The following KIF12 variants were observed in gnomAD, a reference collection of about 807,000 sequenced individuals.
KIF12 encodes the protein kinesin-like protein KIF12.
Under a neutral mutation model 87.9 loss-of-function variants are expected in KIF12, and 80 were observed. The observed-to-expected ratio is 0.91, with a 90% confidence interval of 0.76 to 1.10. KIF12 has a LOEUF of 1.10. Among genes scored for constraint, KIF12 ranks in the 50% least tolerant of loss-of-function variants. The pLI is 0.00. For missense variants in KIF12, 819 were observed against 865.3 expected, an observed-to-expected ratio of 0.95 and a Z score of 0.67; for synonymous variants, 353 against 348.5, an observed-to-expected ratio of 1.01 and a Z score of -0.14.
At position 114,093,959 on chromosome 9, in the gene KIF12, G is replaced by C. The variant is rs779001419; in HGVS notation, c.1327C>G (p.Gln443Glu). ...ENERLRKEKS[Q>E]LQNSRDLAQN... ...GCCAGGTCTCGGCTATTCTGCAGCT[G>C]GCTCTTTTCTTTCCTAGGGGAGATC... is the stretch of plus-strand genomic sequence containing the variant. Residue 443 changes from glutamine (Q) to glutamate (E), a missense_variant, in exon 14 of 19, where the codon CAG becomes GAG. Gln to Glu is a conservative substitution (Grantham distance 29, BLOSUM62 2). Coordinates refer to ENST00000640217, the MANE Select transcript of KIF12 (RefSeq NM_001388308.1). The C allele has an allele frequency of 6.2e-7, 1 of 1,614,100 alleles. No individual in the cohort carries two copies. The highest frequency in any genetic ancestry group is 8.5e-7 in the Non-Finnish European group (1 of 1,180,008).
chr9:114,096,301 T>A (rs1419906607), intron 8 of KIF12, 86 bp downstream of exon 8: 2 of 1,599,046 alleles, frequency 1.3e-6, no homozygotes, highest in African/African-American at 2.7e-5. Flanking sequence ...TTAACCCCCA[T>A]GCACACCCAA....
chr9:114,098,326 C>T lies in KIF12; in HGVS notation c.275G>A (p.Arg92His), dbSNP rs1217183484. ...CCCGCGCAGCGCCAGCTCCCCCAGGCGCCGCACGCCGCACGCCCGGAACAC... is the reference window on the plus strand; with the variant it reads ...CCCGCGCAGCGCCAGCTCCCCCAGGTGCCGCACGCCGCACGCCCGGAACAC... ...EDVFRACGVR[R>H]LGELALRGFS... Residue 92 changes from arginine to histidine, a missense_variant, in exon 4 of 19, where the codon CGC becomes CAC. By Grantham distance (29) the Arg-to-His change is conservative. Coordinates refer to ENST00000640217, the MANE Select transcript of KIF12 (RefSeq NM_001388308.1). The T allele has an allele frequency of 1.4e-6, 2 of 1,470,144 alleles. No individual in the cohort carries two copies. Among genetic ancestry groups the T allele is most frequent in the East Asian group, 2.8e-5 (1 of 35,132 alleles). The allele number at this position is 1,470,144 out of a possible 1,614,324, so 91.1% of individuals were successfully genotyped here.
intron 7 of KIF12, among the ~76,000 whole-genome samples, chr9:114,096,765 G>A (rs1344928736): frequency 2.0e-5 from 3 of 152,192 alleles, no homozygotes; most frequent in Admixed American, 2.0e-4. Flanking sequence ...TGAGGCAGGA[G>A]ATCAGCTGAG....
At chr9:114,094,798 T>C (rs893400751) in intron 11 of KIF12, among the ~76,000 whole-genome samples, 10 of 152,138 alleles carry the variant, frequency 6.6e-5, no homozygotes, top group African/African-American at 2.4e-4. Flanking sequence ...CCCTGAATCA[T>C]ATCCCAACTC....
Position 114,091,873 on chromosome 9 carries a change from G to A in KIF12, c.1944C>T (p.Leu648=). 6.2e-7 allele frequency: 1 copy of A among 1,602,052 alleles called. No homozygotes were observed. The highest frequency in any genetic ancestry group is 8.5e-7 in the Non-Finnish European group (1 of 1,171,394). ...SEGARSPGQV[L]PPH ...TCCCACTTGGCCTTCAATGGGGAGGGAGGACTTGGCCTGGGCTCCGTGCGC... is the reference window on the plus strand; with the variant it reads ...TCCCACTTGGCCTTCAATGGGGAGGAAGGACTTGGCCTGGGCTCCGTGCGC... Residue 648 remains leucine, a synonymous_variant, in exon 19 of 19, where the codon CTC becomes CTT. Coordinates refer to ENST00000640217, the MANE Select transcript of KIF12 (RefSeq NM_001388308.1).
intron 16 of KIF12, 104 bp from the exon 17 acceptor site, chr9:114,092,746 G>C (rs1847047240): frequency 2.7e-6 from 4 of 1,506,148 alleles, no homozygotes; most frequent in Non-Finnish European, 3.5e-6. Context: ...TACCCCACAA[G>C]GTACCAAGAA....
rs1847214309 is a variant in KIF12 at position 114,096,060 on chromosome 9, G to A, written c.886C>T (p.Leu296=). 6.2e-7 allele frequency: 1 copy of A among 1,611,034 alleles called. No homozygotes were observed. Among genetic ancestry groups the A allele is most frequent in the South Asian group, 1.1e-5 (1 of 90,572 alleles). ...GGCCCCCAGGTCTCACCCAGGGCCA[G>A]CAGGCTTCGGTTGATGCTGTTAGCC... The part of the protein sequence containing the change: ...LEANSINRSL[L]ALGHCISLLL... Residue 296 remains leucine (L), a synonymous_variant, in exon 9 of 19, where the codon CTG becomes TTG. Transcript: ENST00000640217.
intron 7 of KIF12, among the ~76,000 whole-genome samples, chr9:114,096,758 G>A (rs1334445227): frequency 2.0e-5 from 3 of 152,208 alleles, no homozygotes; most frequent in Non-Finnish European, 4.4e-5. Flanking sequence ...GAGAAACTGA[G>A]GCAGGAGATC....
At chr9:114,098,778 T>TGGGTATCCTGGAAGGGAG (rs1847357848) in intron 3 of KIF12, among the ~76,000 whole-genome samples, 157 bp downstream of exon 3, 1 of 19,532 alleles carries the variant, frequency 5.1e-5, no homozygotes, top group African/African-American at 1.7e-4. Context: ...GGCGGAGGGC[T>TGGGTATCCTGGAAGGGAG]GGGCATCCTG....
chr9:114,092,127 C>A (rs1171474823), intron 18 of KIF12, 127 bp from the exon 19 acceptor site: 3 of 1,434,684 alleles, frequency 2.1e-6, no homozygotes, highest in African/African-American at 2.9e-5. Context: ...CCCCACCCCA[C>A]CCCCATACAC....
chr9:114,095,370 C>T, intron 9 of KIF12, 38 bp from the exon 10 acceptor site: 1 of 1,592,636 alleles, frequency 6.3e-7, no homozygotes, highest in Non-Finnish European at 8.5e-7. Context: ...GGTTACATCA[C>T]TTGCCTAGGG....
rs202197309 is a variant in KIF12 at position 114,097,418 on chromosome 9, G to C, written c.529C>G (p.Leu177Val). The C allele has an allele frequency of 3.8e-6, 6 of 1,595,784 alleles. No homozygotes were observed. The Admixed American group carries it at 7.3e-5, about 20-fold the overall frequency. The change falls in exon 7 of 19, where the codon CTG becomes GTG. Residue 177 changes from leucine (L) to valine (V), a missense_variant. By Grantham distance (32) the Leu-to-Val change is conservative. Coordinates refer to ENST00000640217, the MANE Select transcript of KIF12 (RefSeq NM_001388308.1). ...YNEQVRDLLSLGSPRPLPVRW... is the reference protein window; with the variant it reads ...YNEQVRDLLSVGSPRPLPVRW... ...ACAGGGAGGGGCCGGGGAGACCCCA[G>C]GCTCAGCAAGTCCCGAACCTGGGAG...
At chr9:114,092,045 C>T (rs1452055453) in intron 18 of KIF12, 45 bp from the exon 19 acceptor site, 1 of 1,575,378 alleles carries the variant, frequency 6.3e-7, no homozygotes, top group Non-Finnish European at 8.6e-7. Context: ...CAGGGCCCTT[C>T]CTCACCCAGG....
rs769595544 is a variant in KIF12 at position 114,094,532 on chromosome 9, A to C, written c.1120-77T>G. ...TGCACAAGAACTTCCGGGTGTGGGA[A>C]GTAACTGGGGCCTAAAATCCAGCCC... is the stretch of plus-strand genomic sequence containing the variant. On this transcript the variant is annotated intron_variant, in intron 11 of 18. Transcript: ENST00000640217. 58 of 834,704 alleles carry C rather than the reference A, an allele frequency of 6.9e-5. 1 individual carries two copies. The highest frequency in any genetic ancestry group is 1.2e-4 in the African/African-American group (7 of 58,726). 51.7% of individuals were successfully genotyped at this position (834,704 alleles called of 1,614,324 possible).
chr9:114,097,487 C>T (rs1341797055), intron 6 of KIF12, 51 bp from the exon 7 acceptor site: 1 of 1,573,772 alleles, frequency 6.4e-7, no homozygotes, highest in South Asian at 1.2e-5. Context: ...TGAGTCCACC[C>T]ATCCCCAGAT....
At chr9:114,098,224 G>C (rs1178391917) in intron 4 of KIF12, 34 bp from the exon 5 acceptor site, 2 of 1,522,478 alleles carry the variant, frequency 1.3e-6, no homozygotes, top group Non-Finnish European at 1.8e-6. Flanking sequence ...GGACTCCGGC[G>C]GCTACCCGGG....
rs1217110802 is a variant in KIF12, at chr9:114,094,243, G to A, written c.1251C>T (p.Ala417=). The A allele has an allele frequency of 2.5e-6, 4 of 1,614,064 alleles. No individual in the cohort carries two copies. Among genetic ancestry groups the A allele is most frequent in the Non-Finnish European group, 3.4e-6 (4 of 1,180,030 alleles). ...KASGLSGARV[A]WAQRNLYGML... is the part of the protein sequence containing the mutation. ...TCCCGTACAGGTTCCGCTGGGCCCA[G>A]GCCACCCGGGCTCCACTGAGCCCTG... Residue 417 remains alanine (A), a synonymous_variant, in exon 13 of 19, where the codon GCC becomes GCT. Coordinates refer to ENST00000640217, the MANE Select transcript of KIF12 (RefSeq NM_001388308.1).
chr9:114,095,910 A>G lies in KIF12; in HGVS notation c.895+141T>C, dbSNP rs949798046. 4.5e-6 allele frequency: 4 copies of G among 897,490 alleles called. No individual in the cohort carries two copies. In the African/African-American group the frequency reaches 5.0e-5, roughly 11 times the overall value. The allele number at this position is 897,490 out of a possible 1,614,324, so 55.6% of individuals were successfully genotyped here. A position where few individuals can be genotyped will look rare whatever the true frequency, so the allele number is the denominator to read the frequency against. On this transcript the variant is annotated intron_variant, in intron 9 of 18. Transcript: ENST00000640217. ...AGTCAACAGCAGAGCTGGGGCCAGA[A>G]TGGGGCCTTTGGTTCCTGGATCGCA... is the stretch of plus-strand genomic sequence containing the variant.
chr9:114,097,302 C>G lies in KIF12; in HGVS notation c.645G>C (p.Thr215=), dbSNP rs1847273145. ...AAACTCCCCGCTGTCAGCACACACC[C>G]GTTTGCAAAAGTTCCATCAGGGCCT... ...SLEALMELLQ[T]GLSRRRNSAH... is the part of the protein sequence containing the mutation. Residue 215 remains threonine, a splice_region_variant and synonymous_variant, in exon 7 of 19, where the codon ACG becomes ACC. Coordinates refer to ENST00000640217, the MANE Select transcript of KIF12 (RefSeq NM_001388308.1). 5 of 1,609,592 alleles carry G rather than the reference C, an allele frequency of 3.1e-6. No homozygotes were observed. In the East Asian group the frequency reaches 1.1e-4, roughly 36 times the overall value.
Sources: allele counts gnomAD v4.1 joint callset (sites outside exome capture counted in the v4.1 genomes callset), GRCh38; gene constraint gnomAD v4.1.1; transcripts MANE v1.5; gene names NCBI Gene and HGNC (gene_info 2026-07-23, HGNC 2026-07-21).